IKZF2: variants seen among roughly 807,000 people sequenced by gnomAD.
IKZF2 encodes the protein IKAROS family zinc finger 2.
IKZF2 carries 15 observed loss-of-function variants against 49.2 expected under a neutral mutation model. The ratio of observed to expected loss-of-function variants is 0.30; its 90% CI spans 0.20 to 0.47. IKZF2 has a LOEUF of 0.47. Ranked by LOEUF, IKZF2 falls within the 20% of genes least tolerant of loss-of-function variation. The pLI is 1.00. For missense variants in IKZF2, 567 were observed against 664.6 expected, an observed-to-expected ratio of 0.85 and a Z score of 1.61; for synonymous variants, 227 against 221.4, an observed-to-expected ratio of 1.03 and a Z score of -0.23.
intron 8 of IKZF2, among the ~76,000 whole-genome samples, chr2:213,012,769 C>A (rs1432691944): frequency 6.6e-6 from 1 of 151,902 alleles, no homozygotes; most frequent in Non-Finnish European, 1.5e-5. Context: ...TTGTGTTATC[C>A]TCTCCTCCCT....
rs1168531198 is a variant in IKZF2 at position 213,043,169 on chromosome 2, C to A, written c.574+6544G>T. On this transcript the variant is annotated intron_variant, in intron 6 of 8. Coordinates refer to ENST00000434687, the MANE Select transcript of IKZF2 (RefSeq NM_001387220.1). ...AATACCACCTTGTACAGGGATCATG[C>A]AAGGTAAATGAAATACACACACACA... is the stretch of plus-strand genomic sequence containing the variant. Among the ~76,000 whole-genome samples the A allele has an allele frequency of 5.1e-5, 7 of 138,524 alleles. No individual in the cohort carries two copies. In the East Asian group the frequency reaches 1.6e-3, roughly 31 times the overall value. 90.9% of individuals were successfully genotyped at this position (138,524 alleles called of 152,430 possible).
intron 4 of IKZF2, among the ~76,000 whole-genome samples, chr2:213,130,707 C>T (rs1227933609): frequency 1.3e-5 from 2 of 152,108 alleles, no homozygotes; most frequent in East Asian, 3.8e-4. Context: ...TGGATACAAG[C>T]TTGAATTTTC....
intron 4 of IKZF2, chr2:213,097,858 T>C (rs796581958): frequency 6.4e-5 from 11 of 171,632 alleles, no homozygotes; most frequent in African/African-American, 2.6e-4. Context: ...TTACAATATC[T>C]ATTGTCAAAC....
chr2:213,138,650 G>A (rs1179098385), intron 4 of IKZF2, among the ~76,000 whole-genome samples: 1 of 152,040 alleles, frequency 6.6e-6, no homozygotes, highest in Non-Finnish European at 1.5e-5. Context: ...TTCACATCTG[G>A]AAAACCTGAT....
At chr2:213,084,678 G>A (rs1217976219) in intron 4 of IKZF2, among the ~76,000 whole-genome samples, 1 of 151,578 alleles carries the variant, frequency 6.6e-6, no homozygotes, top group African/African-American at 2.4e-5. Flanking sequence ...CCAATATCAG[G>A]TGATGAGCAT....
chr2:213,070,949 A>C (rs1702635700), intron 4 of IKZF2, among the ~76,000 whole-genome samples: 1 of 152,210 alleles, frequency 6.6e-6, no homozygotes, highest in Non-Finnish European at 1.5e-5. Context: ...ACAGAGAGGG[A>C]AAAGTACTAA....
In IKZF2 at chr2:213,007,324, T is replaced by A. The variant is rs370485433; in HGVS notation, c.*36A>T. ...TGCAGTATTTCTTCATGTGCAGTTC[T>A]TTACTTCATAGGGGTCCCCTTTGGA... On this transcript the variant is annotated 3_prime_UTR_variant, in exon 9 of 9. Transcript: ENST00000434687. The A allele has an allele frequency of 1.3e-6, 2 of 1,592,280 alleles. No individual in the cohort carries two copies. The highest frequency in any genetic ancestry group is 2.3e-5 in the South Asian group (2 of 87,598).
intron 4 of IKZF2, among the ~76,000 whole-genome samples, chr2:213,133,453 A>T (rs1027534134): frequency 6.6e-5 from 10 of 152,280 alleles, no homozygotes; most frequent in African/African-American, 1.9e-4. Flanking sequence ...TTTACTGGCC[A>T]GGCACGGTGG....
chr2:213,099,734 T>C (rs1390493479), intron 4 of IKZF2, among the ~76,000 whole-genome samples: 1 of 152,162 alleles, frequency 6.6e-6, no homozygotes, highest in Non-Finnish European at 1.5e-5. Flanking sequence ...GTTAGCTTTT[T>C]TAGTTAGCTC....
chr2:213,085,833 T>C (rs1704517389), intron 4 of IKZF2, among the ~76,000 whole-genome samples: 1 of 152,190 alleles, frequency 6.6e-6, no homozygotes, highest in Non-Finnish European at 1.5e-5. Context: ...TTCTCGATTA[T>C]CCTTAAGGAG....
chr2:213,051,114 A>C (rs1347623507), intron 5 of IKZF2, among the ~76,000 whole-genome samples: 2 of 151,956 alleles, frequency 1.3e-5, no homozygotes, highest in Non-Finnish European at 2.9e-5. Context: ...AATAATAAAA[A>C]CTCAAGGTTT....
chr2:213,147,653 T>A, intron 4 of IKZF2, 55 bp downstream of exon 4: 1 of 1,301,212 alleles, frequency 7.7e-7, no homozygotes, highest in Non-Finnish European at 1.1e-6. Flanking sequence ...CAAATTAAAG[T>A]CTGTTGCTGG....
At chr2:213,045,149 T>C (rs1485248457) in intron 6 of IKZF2, among the ~76,000 whole-genome samples, 2 of 152,196 alleles carry the variant, frequency 1.3e-5, no homozygotes, top group Non-Finnish European at 2.9e-5. Flanking sequence ...ATTCTATGGA[T>C]GAATAACAGA....
At chr2:213,015,579 G>T (rs1485365392) in intron 7 of IKZF2, among the ~76,000 whole-genome samples, 2 of 151,952 alleles carry the variant, frequency 1.3e-5, no homozygotes, top group Non-Finnish European at 2.9e-5. Flanking sequence ...CAGAAGAATG[G>T]CACAGTGGTG....
chr2:213,151,670 C>T (rs1485742645), upstream of IKZF2: 1 of 150,342 alleles, frequency 6.7e-6, no homozygotes, highest in Non-Finnish European at 1.5e-5. Flanking sequence ...GCACATCTCC[C>T]CCGCCGGCCG....
chr2:213,005,755 A>G lies in IKZF2; in HGVS notation c.*1605T>C, dbSNP rs184551263. 2 of 152,170 alleles carry G rather than the reference A, an allele frequency of 1.3e-5. No individual in the cohort carries two copies. The highest frequency in any genetic ancestry group is 3.9e-4 in the East Asian group (2 of 5,148). The allele number at this position is 152,170 out of a possible 1,614,324, so 9.4% of individuals were successfully genotyped here. A position where few individuals can be genotyped will look rare whatever the true frequency, so the allele number is the denominator to read the frequency against. On this transcript the variant is annotated 3_prime_UTR_variant, in exon 9 of 9. Transcript: ENST00000434687. ...TGTCCCCCTAAAATGACTTGAATCA[A>G]TATCACTCGGTTCCTCCCCTCTAAT...
In IKZF2 at chr2:213,150,704, G is replaced by A. The variant is rs900173381; in HGVS notation, c.-119-457C>T. On this transcript the variant is annotated intron_variant, in intron 1 of 8. Transcript: ENST00000434687. ...TAAGACAAGAAAACTGAAAGAAAAG[G>A]GGGGGGGGGCGGGTAGAGGGGAGGG... 1.3e-4 allele frequency among the ~76,000 whole-genome samples: 15 copies of A among 112,622 alleles called. 1 individual carries two copies. The highest frequency in any genetic ancestry group is 1.2e-3 in the South Asian group (4 of 3,468). The allele number at this position is 112,622 out of a possible 152,430, so 73.9% of individuals were successfully genotyped here.
intron 7 of IKZF2, chr2:213,014,949 T>C (rs143854087): frequency 3.4e-4 from 52 of 152,146 alleles, no homozygotes; most frequent in African/African-American, 1.2e-3. Context: ...ATAACTTTAC[T>C]TGTTCAGTAT....
chr2:213,078,805 T>C (rs1478122274), intron 4 of IKZF2, among the ~76,000 whole-genome samples: 3 of 152,136 alleles, frequency 2.0e-5, no homozygotes, highest in African/African-American at 4.8e-5. Context: ...TCTGCTGTCA[T>C]TTCCTGCCAA....
Sources: gnomAD v4.1 joint callset for allele counts (sites outside exome capture counted in the v4.1 genomes callset) on GRCh38, gnomAD v4.1.1 for gene constraint, MANE v1.5 for transcripts, NCBI Gene and HGNC (gene_info 2026-07-23, HGNC 2026-07-21) for gene names.